Variants in PRELID2 observed in about 807,000 individuals in gnomAD.
PRELID2 encodes the protein PRELI domain-containing protein 2.
PRELID2 carries 25 observed loss-of-function variants against 28.4 expected under a neutral mutation model. The ratio of observed to expected loss-of-function variants is 0.88; its 90% confidence interval spans 0.64 to 1.23. PRELID2 has a LOEUF of 1.23. Among genes scored for constraint, PRELID2 ranks in the 50% most tolerant of loss-of-function variants. The pLI, the probability that PRELID2 is intolerant of heterozygous loss-of-function variation, is 0.00. For missense variants in PRELID2, 201 were observed against 214.4 expected (o/e 0.94, Z 0.39); for synonymous variants, 76 against 71.6 (o/e 1.06, Z -0.31).
the PRELID2 span, among the ~76,000 whole-genome samples, chr5:145,348,807 C>T: frequency 2.0e-5 from 3 of 152,128 alleles, no homozygotes; most frequent in Admixed American, 2.0e-4. Flanking sequence ...TGTGTGTAAG[C>T]ACTGTATGTG....
the PRELID2 span, among the ~76,000 whole-genome samples, chr5:145,248,616 G>C: frequency 6.6e-6 from 1 of 151,970 alleles, no homozygotes; most frequent in Non-Finnish European, 1.5e-5. Context: ...GGCCAACATG[G>C]TGAAACCCCA....
intron 1 of PRELID2, among the ~76,000 whole-genome samples, chr5:145,638,100 C>G (rs540631719): frequency 6.6e-6 from 1 of 152,146 alleles, no homozygotes; most frequent in Non-Finnish European, 1.5e-5. Context: ...CCTGAGCCAC[C>G]GCTCCCAGCC....
chr5:145,351,022 T>C, the PRELID2 span, among the ~76,000 whole-genome samples: 1 of 152,178 alleles, frequency 6.6e-6, no homozygotes, highest in Non-Finnish European at 1.5e-5. Context: ...GATATTTAGG[T>C]AATTTAACTC....
the PRELID2 span, among the ~76,000 whole-genome samples, chr5:145,334,027 G>T: frequency 6.6e-6 from 1 of 152,072 alleles, no homozygotes; most frequent in South Asian, 2.1e-4. Context: ...CCCTTAGCTA[G>T]GGGAGGGAAT....
At chr5:145,571,816 C>T (rs923712783) in intron 1 of PRELID2, among the ~76,000 whole-genome samples, 1 of 151,996 alleles carries the variant, frequency 6.6e-6, no homozygotes, top group Admixed American at 6.6e-5. Flanking sequence ...CCTGTCTCAA[C>T]TAAAAATACA....
At chr5:145,233,903 A>C in the PRELID2 span, among the ~76,000 whole-genome samples, 1 of 152,288 alleles carries the variant, frequency 6.6e-6, no homozygotes, top group African/African-American at 2.4e-5. Context: ...AACATAACCA[A>C]CCTTGGGATC....
At chr5:145,716,993 AT>A (rs1353694165) in intron 1 of PRELID2, among the ~76,000 whole-genome samples, 1 of 152,170 alleles carries the variant, frequency 6.6e-6, no homozygotes, top group Non-Finnish European at 1.5e-5. Flanking sequence ...GAATGCGTGA[AT>A]AAAGTATGAT....
At chr5:145,229,276 G>T in the PRELID2 span, 1 of 756,082 alleles carries the variant, frequency 1.3e-6, no homozygotes, top group Non-Finnish European at 2.5e-6. Flanking sequence ...TCTACAACTG[G>T]TTCAAGGGCC....
At chr5:145,396,863 A>G in the PRELID2 span, among the ~76,000 whole-genome samples, 1 of 152,138 alleles carries the variant, frequency 6.6e-6, no homozygotes, top group Non-Finnish European at 1.5e-5. Flanking sequence ...GAAAATTCTC[A>G]GGAGACAGAA....
chr5:145,673,512 A>C (rs1280615226), intron 1 of PRELID2, among the ~76,000 whole-genome samples: 2 of 152,174 alleles, frequency 1.3e-5, no homozygotes, highest in African/African-American at 2.4e-5. Context: ...AGAAAGCAAT[A>C]AAATAAACCC....
intron 1 of PRELID2, among the ~76,000 whole-genome samples, chr5:145,481,623 C>CAAAAAAAAAAAAAAAAAAAAGAA (rs1752160437): frequency 2.4e-5 from 1 of 41,862 alleles, no homozygotes; most frequent in Non-Finnish European, 3.8e-5. Context: ...GCAAGGAAAT[C>CAAAAAAAAAAAAAAAAAAAAGAA]AAAAAAAAAA....
intron 1 of PRELID2, among the ~76,000 whole-genome samples, chr5:145,547,480 A>G (rs1178498228): frequency 6.6e-6 from 1 of 152,218 alleles, no homozygotes; most frequent in Non-Finnish European, 1.5e-5. Context: ...ACTGTGCAAT[A>G]AAAGGTTGAT....
rs200034950 is a variant in PRELID2 at position 145,817,212 on chromosome 5, TAAAAAAAA to T, written c.368+674_368+681del. Among the ~76,000 whole-genome samples, 409 of 72,752 alleles carry T rather than the reference TAAAAAAAA, an allele frequency of 5.6e-3. 26 individuals carry two copies. Among genetic ancestry groups the T allele is most frequent in the Admixed American group, 0.011 (74 of 6,690 alleles). 47.7% of individuals were successfully genotyped at this position (72,752 alleles called of 152,430 possible). A position where few individuals can be genotyped will look rare whatever the true frequency, so the allele number is the denominator to read the frequency against. On this transcript the variant is annotated intron_variant, in intron 4 of 6. Transcript: ENST00000683046. ...TTTCAAAAAAAAATAAATAAATAAATAAAAAAAAATATATATATATATATACTTTAGAT... is the reference window on the plus strand; with the variant it reads ...TTTCAAAAAAAAATAAATAAATAAATATATATATATATATATACTTTAGAT...
intron 1 of PRELID2, among the ~76,000 whole-genome samples, chr5:145,633,371 G>A (rs1753956667): frequency 6.6e-6 from 1 of 152,214 alleles, no homozygotes; most frequent in African/African-American, 2.4e-5. Context: ...CAAGTCCAAT[G>A]TGTTTCATGT....
At chr5:145,236,298 A>G in the PRELID2 span, among the ~76,000 whole-genome samples, 2 of 152,116 alleles carry the variant, frequency 1.3e-5, no homozygotes, top group Admixed American at 6.6e-5. Flanking sequence ...AAAATTTTAA[A>G]TCTCAGGACC....
At chr5:145,712,608 T>G (rs192820920) in intron 1 of PRELID2, among the ~76,000 whole-genome samples, 1 of 152,352 alleles carries the variant, frequency 6.6e-6, no homozygotes, top group Admixed American at 6.5e-5. Context: ...GCTACTGTTC[T>G]TTTATATATA....
chr5:145,256,525 C>G, the PRELID2 span, among the ~76,000 whole-genome samples: 1 of 151,904 alleles, frequency 6.6e-6, no homozygotes, highest in Non-Finnish European at 1.5e-5. Flanking sequence ...TTGCCCTTTT[C>G]CATATAATCT....
the PRELID2 span, among the ~76,000 whole-genome samples, chr5:145,368,847 G>T: frequency 2.0e-5 from 3 of 151,342 alleles, no homozygotes; most frequent in Non-Finnish European, 1.5e-5. Context: ...GGGTACATGT[G>T]CAGGTTTGTT....
chr5:145,417,984 T>G, the PRELID2 span, among the ~76,000 whole-genome samples: 2 of 152,130 alleles, frequency 1.3e-5, no homozygotes, highest in African/African-American at 2.4e-5. Context: ...GATTCTATAT[T>G]TAGAAAACTC....
Sources: gnomAD v4.1 joint callset for allele counts (sites outside exome capture counted in the v4.1 genomes callset) on GRCh38, gnomAD v4.1.1 for gene constraint, MANE v1.5 for transcripts, NCBI Gene and HGNC (gene_info 2026-07-23, HGNC 2026-07-21) for gene names.